TMEM245: variants seen among roughly 807,000 people sequenced by gnomAD.
TMEM245 encodes transmembrane protein 245.
TMEM245 carries 69 observed loss-of-function variants against 101.2 expected under a neutral mutation model. The observed-to-expected ratio is 0.68, with a 90% CI of 0.56 to 0.83. The LOEUF is 0.83. Among genes scored for constraint, TMEM245 ranks in the 40% least tolerant of loss-of-function variants. The probability of loss-of-function intolerance (pLI) is 0.00; values close to 1 mark genes in which losing one functional copy is unlikely to be tolerated. For missense variants in TMEM245, 1,075 were observed against 1,092.8 expected, an observed-to-expected ratio of 0.98 and a Z score of 0.23; for synonymous variants, 537 against 449.8, an observed-to-expected ratio of 1.19 and a Z score of -2.45.
Position 109,119,756 on chromosome 9 carries a change from G to T in TMEM245, c.158C>A (p.Ala53Asp), listed in dbSNP as rs1213191003. 2 of 1,516,264 alleles carry T rather than the reference G, an allele frequency of 1.3e-6. No individual in the cohort carries two copies. Among genetic ancestry groups the T allele is most frequent in the South Asian group, 1.2e-5 (1 of 81,680 alleles). The allele number at this position is 1,516,264 out of a possible 1,614,324, so 93.9% of individuals were successfully genotyped here. ...ALRFDKPIKQ[A>D]FYNTGAVLFV... Reference sequence around the variant, plus strand: ...CAGCACGGCCCCGGTGTTGTAGAAGGCCTGCTTAATGGGCTTGTCGAAGCG... The same window carrying T: ...CAGCACGGCCCCGGTGTTGTAGAAGTCCTGCTTAATGGGCTTGTCGAAGCG... The change falls in exon 1 of 18, where the codon GCC becomes GAC. Residue 53 changes from alanine to aspartate, a missense_variant. By Grantham distance (126) the Ala-to-Asp change is moderately radical (BLOSUM62 -2). Coordinates refer to ENST00000374586, the MANE Select transcript of TMEM245 (RefSeq NM_032012.4).
At chr9:109,080,096 T>C (rs910517852) in intron 8 of TMEM245, among the ~76,000 whole-genome samples, 1 of 152,102 alleles carries the variant, frequency 6.6e-6, no homozygotes, top group African/African-American at 2.4e-5. Context: ...TCAATTATAG[T>C]TACCAACATG....
At chr9:109,118,128 G>A (rs574221011) in intron 1 of TMEM245, among the ~76,000 whole-genome samples, 1 of 152,310 alleles carries the variant, frequency 6.6e-6, no homozygotes, top group East Asian at 1.9e-4. Context: ...CCGTGAAGAC[G>A]GGACCTGTAT....
At chr9:109,119,070 A>G (rs7022380) in intron 1 of TMEM245, among the ~76,000 whole-genome samples, 28,501 of 152,238 alleles carry the variant, frequency 0.19, 3,203 homozygotes, top group African/African-American at 0.29. Flanking sequence ...ACGATTCTCA[A>G]TCCAGGGCAC....
rs10816767 is a variant in TMEM245, at chr9:109,020,390, G to A, written c.*70C>T. On this transcript the variant is annotated 3_prime_UTR_variant, in exon 18 of 18. Transcript: ENST00000374586. The stretch of plus-strand genomic sequence containing the variant: ...TGCTAGGCACAGCTGGAAGGGCAGA[G>A]GGCCACAGCTGAGCTGAACTCGCTG... The A allele has an allele frequency of 0.49, 720,974 of 1,480,924 alleles. 177,226 individuals are homozygous for A. Among genetic ancestry groups the A allele is most frequent in the Admixed American group, 0.57 (33,808 of 59,786 alleles). 91.7% of individuals were successfully genotyped at this position (1,480,924 alleles called of 1,614,324 possible). A position where few individuals can be genotyped will look rare whatever the true frequency, so the allele number is the denominator to read the frequency against.
rs911735800 is a variant in TMEM245, at chr9:109,018,585, GA to G, written c.*1874del. The G allele has an allele frequency of 3.2e-4, 49 of 152,262 alleles. No individual in the cohort carries two copies. Among genetic ancestry groups the G allele is most frequent in the African/African-American group, 1.2e-3 (49 of 41,540 alleles). The allele number at this position is 152,262 out of a possible 1,614,324, so 9.4% of individuals were successfully genotyped here. On this transcript the variant is annotated 3_prime_UTR_variant, in exon 18 of 18. Transcript: ENST00000374586. ...GATCTCATGGTAGCCTTTTCTAAAT[GA>G]AATTTTTCTTAAGTAGTGTAAGAAT...
At chr9:109,118,943 C>T (rs1026646901) in intron 1 of TMEM245, among the ~76,000 whole-genome samples, 12 of 152,212 alleles carry the variant, frequency 7.9e-5, no homozygotes, top group African/African-American at 2.7e-4. Context: ...TCCCTTCCAG[C>T]TCTGACATTC....
At chr9:109,059,989 G>A (rs1004655092) in intron 11 of TMEM245, among the ~76,000 whole-genome samples, 1 of 151,572 alleles carries the variant, frequency 6.6e-6, no homozygotes, top group African/African-American at 2.4e-5. Flanking sequence ...GGGCATATTG[G>A]GTTAAATAAA....
intron 1 of TMEM245, among the ~76,000 whole-genome samples, chr9:109,114,237 G>A (rs891610410): frequency 6.6e-6 from 1 of 152,182 alleles, no homozygotes; most frequent in African/African-American, 2.4e-5. Flanking sequence ...GCAACTTAGA[G>A]TCAACATTTT....
intron 14 of TMEM245, among the ~76,000 whole-genome samples, chr9:109,045,932 C>T (rs1213174266): frequency 1.3e-5 from 2 of 152,134 alleles, no homozygotes; most frequent in Admixed American, 6.6e-5. Context: ...CTTCCTTATA[C>T]ATTTAAATAT....
At chr9:109,068,856 T>C (rs978591298) in intron 9 of TMEM245, among the ~76,000 whole-genome samples, 3 of 152,126 alleles carry the variant, frequency 2.0e-5, no homozygotes, top group African/African-American at 7.2e-5. Flanking sequence ...TGCTAAGAGT[T>C]AGGGAAATAT....
chr9:109,048,625 A>G (rs553085547), intron 14 of TMEM245, among the ~76,000 whole-genome samples: 1 of 152,226 alleles, frequency 6.6e-6, no homozygotes, highest in Non-Finnish European at 1.5e-5. Context: ...ATTCATAAGA[A>G]GTAAAAATGT....
intron 17 of TMEM245, among the ~76,000 whole-genome samples, chr9:109,031,132 T>G (rs1827933937): frequency 6.6e-6 from 1 of 152,228 alleles, no homozygotes; most frequent in South Asian, 2.1e-4. Flanking sequence ...AAATGTAATT[T>G]CTGGCACATA....
intron 11 of TMEM245, among the ~76,000 whole-genome samples, chr9:109,059,439 G>A (rs1209395606): frequency 2.6e-5 from 4 of 151,984 alleles, no homozygotes; most frequent in African/African-American, 7.3e-5. Flanking sequence ...TACACAGCAC[G>A]GCTCCTGCTA....
At chr9:109,113,511 G>A (rs376673449) in intron 1 of TMEM245, among the ~76,000 whole-genome samples, 5 of 152,068 alleles carry the variant, frequency 3.3e-5, no homozygotes, top group African/African-American at 1.2e-4. Flanking sequence ...TAGCACCAAT[G>A]TGCTAGACAC....
chr9:109,033,218 G>A, intron 17 of TMEM245, 89 bp downstream of exon 17: 1 of 1,351,590 alleles, frequency 7.4e-7, no homozygotes, highest in Non-Finnish European at 9.9e-7. Context: ...CCTTTATCCT[G>A]ACAAGTCTGG....
chr9:109,089,123 C>T (rs1336077696), intron 5 of TMEM245, among the ~76,000 whole-genome samples: 1 of 151,612 alleles, frequency 6.6e-6, no homozygotes, highest in Non-Finnish European at 1.5e-5. Context: ...AAAACAATAG[C>T]CAGTGGACGC....
At chr9:109,035,824 C>T (rs1828101487) in intron 16 of TMEM245, among the ~76,000 whole-genome samples, 1 of 151,204 alleles carries the variant, frequency 6.6e-6, no homozygotes, top group South Asian at 2.1e-4. Context: ...AATCCTAGTG[C>T]CTTGGGAAGT....
At chr9:109,048,613 G>A (rs980206494) in intron 14 of TMEM245, among the ~76,000 whole-genome samples, 4 of 152,140 alleles carry the variant, frequency 2.6e-5, no homozygotes, top group African/African-American at 2.4e-5. Context: ...AATTTGAGAC[G>A]TATTCATAAG....
In TMEM245 at chr9:109,091,060, G is replaced by A. The variant is rs1323569302; in HGVS notation, c.1012C>T (p.Arg338Ter). ...PTSPSPTLGRRRPEIGTFLRK... is the reference protein window; with the variant it reads ...PTSPSPTLGR ...AGAAACGTTCCTATTTCAGGCCTTC[G>A]TCTGCCCAGAGTAGGTGAAGGGGAA... The change falls in exon 5 of 18, where the codon CGA (arginine) becomes TGA (stop). Residue 338 changes from arginine to a stop codon, truncating the protein, a stop_gained. Coordinates refer to ENST00000374586, the MANE Select transcript of TMEM245 (RefSeq NM_032012.4). LOFTEE classifies it high-confidence loss of function. 38 of 1,613,950 alleles carry A rather than the reference G, an allele frequency of 2.4e-5. No individual in the cohort carries two copies. The highest frequency in any genetic ancestry group is 3.3e-5 in the South Asian group (3 of 91,064).
Sources: allele counts gnomAD v4.1 joint callset (sites outside exome capture counted in the v4.1 genomes callset), GRCh38; gene constraint gnomAD v4.1.1; transcripts MANE v1.5; gene names NCBI Gene and HGNC (gene_info 2026-07-23, HGNC 2026-07-21).